Variants in CTNNBL1 observed in about 807,000 individuals in gnomAD.
CTNNBL1 encodes the protein catenin beta like 1.
Under a neutral mutation model 72.7 loss-of-function variants are expected in CTNNBL1, and 31 were observed. That is an observed-to-expected ratio of 0.43 (90% CI 0.32 to 0.58). CTNNBL1 has a LOEUF of 0.58. CTNNBL1 is among the 20% of genes least tolerant of loss of function. CTNNBL1 has a pLI of 0.08. For missense variants in CTNNBL1, 534 were observed against 725.1 expected, an observed-to-expected ratio of 0.74 and a Z score of 3.03; for synonymous variants, 240 against 267.3, an observed-to-expected ratio of 0.90 and a Z score of 1.00.
chr20:37,752,696 C>T (rs906829521), intron 4 of CTNNBL1, among the ~76,000 whole-genome samples: 1 of 151,902 alleles, frequency 6.6e-6, no homozygotes, highest in Admixed American at 6.6e-5. Flanking sequence ...TAGAAGTAAA[C>T]ACCACTCTTT....
chr20:37,822,973 G>A (rs1276241017), intron 11 of CTNNBL1, among the ~76,000 whole-genome samples: 3 of 152,210 alleles, frequency 2.0e-5, no homozygotes, highest in Non-Finnish European at 4.4e-5. Context: ...TGCACTGGGT[G>A]TATAGAAAGA....
In CTNNBL1 at chr20:37,788,360, G is replaced by A. The variant is rs4811112; in HGVS notation, c.1031+9025G>A. ...GTTTCTTAATTTTCTAAATTAATGA[G>A]AAACATTTTGCTGTTTAGGATCATT... On this transcript the variant is annotated intron_variant, in intron 10 of 15. Coordinates refer to ENST00000361383, the MANE Select transcript of CTNNBL1 (RefSeq NM_030877.5). Among the ~76,000 whole-genome samples, 3 of 152,184 alleles carry A rather than the reference G, an allele frequency of 2.0e-5. No homozygotes were observed. In the East Asian group the frequency reaches 5.8e-4, roughly 29 times the overall value.
chr20:37,814,407 C>G (rs1437672353), intron 11 of CTNNBL1, among the ~76,000 whole-genome samples: 2 of 152,120 alleles, frequency 1.3e-5, no homozygotes, highest in Non-Finnish European at 2.9e-5. Flanking sequence ...ATCTATCTAC[C>G]CACTGTATCC....
chr20:37,871,925 A>G lies in CTNNBL1; in HGVS notation c.1604A>G (p.Glu535Gly), dbSNP rs1600543700. ...SIKIVRHIIK[E>G]YAENIGDGRS... The stretch of plus-strand genomic sequence containing the variant: ...CCTGACTCTATCTTTGTCCCCCTAG[A>G]GTATGCAGAGAACATCGGGGACGGC... The change falls in exon 16 of 16, where the codon GAG (glutamate) becomes GGG (glycine). Residue 535 changes from glutamate to glycine, a missense_variant and splice_region_variant. Coordinates refer to ENST00000361383, the MANE Select transcript of CTNNBL1 (RefSeq NM_030877.5). 1 of 1,613,522 alleles carries G rather than the reference A, an allele frequency of 6.2e-7. No individual in the cohort carries two copies. The highest frequency in any genetic ancestry group is 2.2e-5 in the East Asian group (1 of 44,872).
Position 37,777,337 on chromosome 20 carries a change from C to T in CTNNBL1, c.751-8C>T, listed in dbSNP as rs921214280. On this transcript the variant is annotated splice_region_variant and splice_polypyrimidine_tract_variant and intron_variant, in intron 7 of 15. Coordinates refer to ENST00000361383, the MANE Select transcript of CTNNBL1 (RefSeq NM_030877.5). ...AACATTTTTCTCATTTCTCCTATTTCCCCATAGGCAAAGATGCCTTTTGAT... is the reference window on the plus strand; with the variant it reads ...AACATTTTTCTCATTTCTCCTATTTTCCCATAGGCAAAGATGCCTTTTGAT... The T allele has an allele frequency of 3.7e-6, 6 of 1,612,072 alleles. No homozygotes were observed. Among genetic ancestry groups the T allele is most frequent in the Non-Finnish European group, 5.1e-6 (6 of 1,178,142 alleles).
intron 1 of CTNNBL1, among the ~76,000 whole-genome samples, chr20:37,698,071 C>T (rs1360428979): frequency 1.3e-5 from 2 of 152,180 alleles, no homozygotes; most frequent in Non-Finnish European, 2.9e-5. Flanking sequence ...TACTTGCCTT[C>T]CTTATCCTGG....
chr20:37,718,487 C>T (rs1380992287), intron 1 of CTNNBL1, among the ~76,000 whole-genome samples: 17 of 124,576 alleles, frequency 1.4e-4, no homozygotes, highest in Non-Finnish European at 2.2e-4. Flanking sequence ...CCCTCCCAGA[C>T]GGGGCGGCTG....
chr20:37,712,551 C>T (rs1398432721), intron 1 of CTNNBL1, among the ~76,000 whole-genome samples: 2 of 152,228 alleles, frequency 1.3e-5, no homozygotes, highest in Non-Finnish European at 2.9e-5. Flanking sequence ...GGGGAAATTA[C>T]AGTTGCTGTC....
chr20:37,787,216 C>T (rs1324357570), intron 10 of CTNNBL1, among the ~76,000 whole-genome samples: 6 of 151,262 alleles, frequency 4.0e-5, no homozygotes, highest in Non-Finnish European at 7.4e-5. Context: ...TGCACTGCAG[C>T]GTTGAAGTCT....
At chr20:37,714,508 ATAG>A (rs1217537721) in intron 1 of CTNNBL1, among the ~76,000 whole-genome samples, 2 of 152,332 alleles carry the variant, frequency 1.3e-5, no homozygotes, top group African/African-American at 2.4e-5. Context: ...GCTTTAAGTA[ATAG>A]TAGATGATCT....
chr20:37,731,516 T>G (rs1257756059), intron 1 of CTNNBL1, among the ~76,000 whole-genome samples: 1 of 152,214 alleles, frequency 6.6e-6, no homozygotes, highest in Non-Finnish European at 1.5e-5. Context: ...ATTACAGGTG[T>G]GAGCCACCGC....
Position 37,694,080 on chromosome 20 carries a change from G to C in CTNNBL1, c.-43G>C. 1 of 1,596,986 alleles carries C rather than the reference G, an allele frequency of 6.3e-7. No individual in the cohort carries two copies. Among genetic ancestry groups the C allele is most frequent in the Non-Finnish European group, 8.5e-7 (1 of 1,173,234 alleles). ...CCGCGGCTGACGGGCCCGCGGTCTG[G>C]GCGTGAGTGCAGGGAAGTGGAGTAT... On this transcript the variant is annotated 5_prime_UTR_variant, in exon 1 of 16. Transcript: ENST00000361383.
intron 6 of CTNNBL1, among the ~76,000 whole-genome samples, chr20:37,766,147 CT>C (rs971951814): frequency 6.6e-6 from 1 of 152,032 alleles, no homozygotes; most frequent in Non-Finnish European, 1.5e-5. Context: ...ACATGGGCAC[CT>C]GGGGGGAAGA....
rs145142077 is a variant in CTNNBL1 at position 37,811,141 on chromosome 20, G to A, written c.1213+8093G>A. ...TCCTGAATCTACCAGTCCTAGAGGCGGGCTGTAAATATGCCAGTTCTATGT... is the reference window on the plus strand; with the variant it reads ...TCCTGAATCTACCAGTCCTAGAGGCAGGCTGTAAATATGCCAGTTCTATGT... On this transcript the variant is annotated intron_variant, in intron 11 of 15. Coordinates refer to ENST00000361383, the MANE Select transcript of CTNNBL1 (RefSeq NM_030877.5). Among the ~76,000 whole-genome samples, 637 of 152,122 alleles carry A rather than the reference G, an allele frequency of 4.2e-3. 2 individuals carry two copies. The highest frequency in any genetic ancestry group is 0.015 in the African/African-American group (611 of 41,490).
At position 37,694,108 on chromosome 20, in the gene CTNNBL1, G is replaced by A. The variant is rs751490943; in HGVS notation, c.-15G>A. 1.9e-5 allele frequency: 30 copies of A among 1,605,094 alleles called. No individual in the cohort carries two copies. Among genetic ancestry groups the A allele is most frequent in the Non-Finnish European group, 2.3e-5 (27 of 1,176,348 alleles). On this transcript the variant is annotated 5_prime_UTR_variant, in exon 1 of 16. Coordinates refer to ENST00000361383, the MANE Select transcript of CTNNBL1 (RefSeq NM_030877.5). ...GTGAGTGCAGGGAAGTGGAGTATTT[G>A]CTGGGCCGGGTACCATGGACGTGGG...
intron 1 of CTNNBL1, among the ~76,000 whole-genome samples, chr20:37,710,569 C>G (rs1169829628): frequency 6.6e-6 from 1 of 152,130 alleles, no homozygotes; most frequent in Non-Finnish European, 1.5e-5. Context: ...TCTTTGCCCC[C>G]CCCACTGCCA....
chr20:37,723,347 C>T, intron 1 of CTNNBL1, among the ~76,000 whole-genome samples: 1 of 152,162 alleles, frequency 6.6e-6, no homozygotes, highest in Non-Finnish European at 1.5e-5. Context: ...ATTTTTGATA[C>T]ATTGATATTT....
chr20:37,868,681 G>A (rs1417966316), intron 15 of CTNNBL1, among the ~76,000 whole-genome samples: 1 of 152,168 alleles, frequency 6.6e-6, no homozygotes, highest in Non-Finnish European at 1.5e-5. Flanking sequence ...TGTACCGTCG[G>A]CATATGTAAG....
intron 5 of CTNNBL1, among the ~76,000 whole-genome samples, chr20:37,760,123 A>G (rs1035212653): frequency 3.9e-5 from 6 of 152,214 alleles, no homozygotes; most frequent in African/African-American, 1.4e-4. Flanking sequence ...GCAAAAGGCA[A>G]ATATTTGTGC....
Sources: allele counts gnomAD v4.1 joint callset (sites outside exome capture counted in the v4.1 genomes callset), GRCh38; gene constraint gnomAD v4.1.1; transcripts MANE v1.5; gene names NCBI Gene and HGNC (gene_info 2026-07-23, HGNC 2026-07-21).